Variants in CCDC63 observed in about 807,000 individuals in gnomAD.
The protein encoded by CCDC63 is coiled-coil domain containing 63, also known as coiled-coil domain-containing protein 63.
Under a neutral mutation model 63.6 loss-of-function variants are expected in CCDC63, and 54 were observed. That is an observed-to-expected ratio of 0.85 (90% CI 0.68 to 1.07). CCDC63 has a LOEUF of 1.07. Among genes scored for constraint, CCDC63 ranks in the 50% least tolerant of loss-of-function variants. The probability of loss-of-function intolerance (pLI) is 0.00; values close to 1 mark genes in which losing one functional copy is unlikely to be tolerated. For synonymous variants in CCDC63, 253 were observed against 266.1 expected, an observed-to-expected ratio of 0.95 and a Z score of 0.48; for missense variants, 637 against 689.6, an observed-to-expected ratio of 0.92 and a Z score of 0.86.
At chr12:110,850,112 G>A (rs988379742) in intron 1 of CCDC63, among the ~76,000 whole-genome samples, 2 of 152,230 alleles carry the variant, frequency 1.3e-5, no homozygotes, top group African/African-American at 4.8e-5. Context: ...ACAGCCCAAT[G>A]AGGATGTTCA....
intron 4 of CCDC63, among the ~76,000 whole-genome samples, chr12:110,869,619 G>C (rs1342024861): frequency 2.0e-5 from 3 of 152,186 alleles, no homozygotes; most frequent in African/African-American, 7.2e-5. Context: ...ACTGCTAGCA[G>C]TGTGTTGGAA....
intron 10 of CCDC63, among the ~76,000 whole-genome samples, chr12:110,901,554 T>C (rs1179825149): frequency 6.6e-6 from 1 of 151,878 alleles, no homozygotes; most frequent in Non-Finnish European, 1.5e-5. Context: ...TTTTTTTGTA[T>C]TCATTAACCA....
In CCDC63 at chr12:110,873,329, TGGA is replaced by T. The variant is rs2071090083; in HGVS notation, c.370-508_370-506del. 2.0e-5 allele frequency among the ~76,000 whole-genome samples: 3 copies of T among 152,180 alleles called. No individual in the cohort carries two copies. The South Asian group carries it at 6.2e-4, about 31-fold the overall frequency. ...GGGGGCCACTGGGAAGTCACAAGGA[TGGA>T]GGAGAAGTCTTGGATGCCTGGTGCT... On this transcript the variant is annotated intron_variant, in intron 4 of 11. Transcript: ENST00000308208.
At chr12:110,853,330 A>C (rs1354168093) in intron 2 of CCDC63, 75 bp from the exon 3 acceptor site, 3 of 1,441,752 alleles carry the variant, frequency 2.1e-6, no homozygotes, top group Non-Finnish European at 2.8e-6. Context: ...ACTGCCCTTC[A>C]CTCTTAAGCC....
chr12:110,850,322 A>T (rs2070690338), intron 1 of CCDC63, among the ~76,000 whole-genome samples: 1 of 152,246 alleles, frequency 6.6e-6, no homozygotes, highest in African/African-American at 2.4e-5. Flanking sequence ...TGGATCTGAG[A>T]GGAGCAGGGA....
chr12:110,884,290 G>A (rs758041490), intron 8 of CCDC63, 40 bp downstream of exon 8: 2 of 1,539,564 alleles, frequency 1.3e-6, no homozygotes, highest in Admixed American at 1.7e-5. Context: ...GGGCCCCTGT[G>A]TCCACAGCAG....
chr12:110,868,800 G>C (rs1593659840), intron 4 of CCDC63, among the ~76,000 whole-genome samples: 2 of 145,806 alleles, frequency 1.4e-5, no homozygotes, highest in South Asian at 2.3e-4. Context: ...AGAGGGAGAG[G>C]GAGAGCTTAA....
intron 8 of CCDC63, among the ~76,000 whole-genome samples, chr12:110,892,347 G>A (rs545309222): frequency 3.9e-5 from 6 of 152,176 alleles, no homozygotes; most frequent in South Asian, 2.1e-4. Flanking sequence ...AGGCTGAGGC[G>A]GAAGGATTGC....
intron 10 of CCDC63, among the ~76,000 whole-genome samples, chr12:110,903,273 G>T (rs563540067): frequency 2.6e-5 from 4 of 152,190 alleles, no homozygotes; most frequent in Non-Finnish European, 5.9e-5. Context: ...AAAGTGCTGG[G>T]ATTACAGGCA....
At chr12:110,866,619 G>A (rs2070952572) in intron 4 of CCDC63, among the ~76,000 whole-genome samples, 1 of 151,056 alleles carries the variant, frequency 6.6e-6, no homozygotes, top group Admixed American at 6.6e-5. Context: ...ATGTTTCAGG[G>A]AGCACAGGGT....
At chr12:110,868,034 C>T (rs1228169841) in intron 4 of CCDC63, among the ~76,000 whole-genome samples, 10 of 119,726 alleles carry the variant, frequency 8.4e-5, no homozygotes, top group Non-Finnish European at 1.3e-4. Context: ...CGGGCAGAGA[C>T]GCTCCTCACC....
chr12:110,886,380 C>T (rs1403897389), intron 8 of CCDC63, among the ~76,000 whole-genome samples: 7 of 151,412 alleles, frequency 4.6e-5, no homozygotes, highest in South Asian at 4.2e-4. Context: ...AGGGAGACTT[C>T]GTCTCAAAAA....
Position 110,884,111 on chromosome 12 carries a change from A to C in CCDC63, c.935A>C (p.Lys312Thr). The change falls in exon 8 of 12, where the codon AAG becomes ACG. Residue 312 changes from lysine to threonine, a missense_variant. By Grantham distance (78) the Lys-to-Thr change is moderately conservative. Coordinates refer to ENST00000308208, the MANE Select transcript of CCDC63 (RefSeq NM_152591.3). ...GAGGTGGCCCACCTCCGGCTGCTGA[A>C]GCTGGCTGAGAGTGGGAACCTAAAC... ...SYEVAHLRLL[K>T]LAESGNLNQL... 3 of 1,614,182 alleles carry C rather than the reference A, an allele frequency of 1.9e-6. No homozygotes were observed. The highest frequency in any genetic ancestry group is 2.5e-6 in the Non-Finnish European group (3 of 1,180,030).
At chr12:110,897,108 CA>C (rs2071424165) in intron 9 of CCDC63, among the ~76,000 whole-genome samples, 2 of 152,118 alleles carry the variant, frequency 1.3e-5, no homozygotes, top group South Asian at 4.1e-4. Flanking sequence ...TAGAACAGAA[CA>C]GAAGAGAAAA....
chr12:110,867,180 A>T (rs1360433433), intron 4 of CCDC63, among the ~76,000 whole-genome samples: 1 of 47,668 alleles, frequency 2.1e-5, no homozygotes, highest in African/African-American at 9.1e-5. Flanking sequence ...GGGGGCTGAC[A>T]CCCCCACCTC....
chr12:110,873,004 C>T (rs1439819681), intron 4 of CCDC63, among the ~76,000 whole-genome samples: 3 of 152,112 alleles, frequency 2.0e-5, no homozygotes, highest in Non-Finnish European at 2.9e-5. Context: ...GATGCTGAGG[C>T]GGGTGGATCA....
chr12:110,850,516 C>T (rs970921171), intron 1 of CCDC63, among the ~76,000 whole-genome samples: 4 of 152,242 alleles, frequency 2.6e-5, no homozygotes, highest in Middle Eastern at 3.4e-3. Context: ...CCGAGGTGGG[C>T]GGATCACCTG....
At chr12:110,874,109 A>G in intron 5 of CCDC63, 148 bp downstream of exon 5, 1 of 1,101,636 alleles carries the variant, frequency 9.1e-7, no homozygotes, top group Non-Finnish European at 1.3e-6. Flanking sequence ...CAGGCCAGGA[A>G]GCCTTTAGGA....
intron 5 of CCDC63, among the ~76,000 whole-genome samples, chr12:110,877,502 G>A (rs1047950092): frequency 7.9e-5 from 12 of 152,004 alleles, no homozygotes; most frequent in African/African-American, 2.9e-4. Flanking sequence ...ACAGGCATGA[G>A]CCACTGCGCC....
Sources: gnomAD v4.1 joint callset for allele counts (sites outside exome capture counted in the v4.1 genomes callset) on GRCh38, gnomAD v4.1.1 for gene constraint, MANE v1.5 for transcripts, NCBI Gene and HGNC (gene_info 2026-07-23, HGNC 2026-07-21) for gene names.